USO1: variants seen among roughly 807,000 people sequenced by gnomAD.
The protein encoded by USO1 is general vesicular transport factor p115.
USO1 carries 57 observed loss-of-function variants against 124.5 expected under a neutral mutation model. The observed-to-expected ratio is 0.46, with a 90% confidence interval of 0.37 to 0.57. The LOEUF (loss-of-function observed/expected upper bound fraction) is 0.57. Ranked by LOEUF, USO1 falls within the 20% of genes least tolerant of loss-of-function variation. The pLI is 0.00. For synonymous variants in USO1, 369 were observed against 362.8 expected, an observed-to-expected ratio of 1.02 and a Z score of -0.19; for missense variants, 900 against 1,040.6, an observed-to-expected ratio of 0.86 and a Z score of 1.86.
intron 1 of USO1, among the ~76,000 whole-genome samples, chr4:75,727,444 C>A (rs1018731111): frequency 2.0e-5 from 3 of 152,078 alleles, no homozygotes; most frequent in Non-Finnish European, 4.4e-5. Context: ...TTTTTAATCA[C>A]CTCCACAATA....
chr4:75,759,468 C>A (rs1385832363), intron 4 of USO1, among the ~76,000 whole-genome samples: 1 of 151,512 alleles, frequency 6.6e-6, no homozygotes, highest in Non-Finnish European at 1.5e-5. Context: ...GTCGCACACA[C>A]CTGTAATCCC....
At chr4:75,769,677 T>A (rs543851244) in intron 4 of USO1, among the ~76,000 whole-genome samples, 1 of 152,050 alleles carries the variant, frequency 6.6e-6, no homozygotes, top group Non-Finnish European at 1.5e-5. Flanking sequence ...CTAATTTGAG[T>A]TTATAATATA....
chr4:75,799,765 GTATT>G (rs1304268284), intron 14 of USO1, 33 bp downstream of exon 14: 1 of 1,605,834 alleles, frequency 6.2e-7, no homozygotes. Context: ...GTACATGTAA[GTATT>G]TATATCTTTT....
intron 8 of USO1, among the ~76,000 whole-genome samples, chr4:75,779,073 C>G (rs1014793200): frequency 1.3e-5 from 2 of 152,078 alleles, no homozygotes; most frequent in Non-Finnish European, 2.9e-5. Flanking sequence ...TTTGATGTTA[C>G]TATTGTAATT....
rs1438563459 is a variant in USO1, at chr4:75,806,579, TTCCACTTTGA to T, written c.2376+12_2376+21del. ...AGTTGCAGAATTAAAACAGGTAATT[TTCCACTTTGA>T]TCCAATTCTACTTTGTCATGTTTTA... On this transcript the variant is annotated splice_region_variant and intron_variant, in intron 20 of 23. Coordinates refer to ENST00000514213, the MANE Select transcript of USO1 (RefSeq NM_003715.4). The T allele has an allele frequency of 6.4e-7, 1 of 1,551,598 alleles. No individual in the cohort carries two copies. The highest frequency in any genetic ancestry group is 8.7e-7 in the Non-Finnish European group (1 of 1,147,192).
intron 1 of USO1, among the ~76,000 whole-genome samples, chr4:75,727,859 A>G (rs550072357): frequency 6.6e-6 from 1 of 152,184 alleles, no homozygotes; most frequent in East Asian, 1.9e-4. Context: ...CCTAATCTGT[A>G]CTTTCCCCCA....
chr4:75,790,307 T>C, intron 11 of USO1, 69 bp downstream of exon 11: 1 of 1,509,840 alleles, frequency 6.6e-7, no homozygotes, highest in Non-Finnish European at 8.9e-7. Flanking sequence ...GTATCTCATA[T>C]ACACATCTTA....
intron 12 of USO1, 95 bp downstream of exon 12, chr4:75,790,892 A>AATTGATT: frequency 7.4e-7 from 1 of 1,352,904 alleles, no homozygotes; most frequent in Non-Finnish European, 9.6e-7. Flanking sequence ...AGCCTAAAAT[A>AATTGATT]CTTTGCATGC....
chr4:75,792,177 A>C (rs1722550762), intron 12 of USO1, among the ~76,000 whole-genome samples: 1 of 152,124 alleles, frequency 6.6e-6, no homozygotes, highest in South Asian at 2.1e-4. Flanking sequence ...AGGCAGGTAT[A>C]TTGCTTGAGT....
At chr4:75,731,561 C>A (rs1356781746) in intron 1 of USO1, among the ~76,000 whole-genome samples, 6 of 138,148 alleles carry the variant, frequency 4.3e-5, no homozygotes, top group African/African-American at 5.4e-5. Context: ...GACTCCGTCT[C>A]AAAAAAAAAA....
At chr4:75,740,992 T>C (rs1720943554) in intron 1 of USO1, among the ~76,000 whole-genome samples, 1 of 152,230 alleles carries the variant, frequency 6.6e-6, no homozygotes, top group Non-Finnish European at 1.5e-5. Context: ...GTGATAGTTC[T>C]TGGTAGCTCA....
intron 4 of USO1, among the ~76,000 whole-genome samples, chr4:75,760,069 G>A (rs892595839): frequency 4.6e-5 from 7 of 151,830 alleles, no homozygotes; most frequent in Non-Finnish European, 5.9e-5. Context: ...AAAATTAGCC[G>A]GGCGTGGTGG....
chr4:75,772,718 C>G (rs1721967665), intron 7 of USO1, among the ~76,000 whole-genome samples: 1 of 152,094 alleles, frequency 6.6e-6, no homozygotes, highest in Non-Finnish European at 1.5e-5. Context: ...GGATATCATG[C>G]AAATCATAAA....
intron 9 of USO1, among the ~76,000 whole-genome samples, chr4:75,786,603 T>C (rs1263065325): frequency 6.6e-6 from 1 of 152,190 alleles, no homozygotes; most frequent in Non-Finnish European, 1.5e-5. Flanking sequence ...TCTTTTACCA[T>C]CTCTCCAGTT....
intron 4 of USO1, among the ~76,000 whole-genome samples, chr4:75,766,432 G>A (rs1002506876): frequency 4.6e-5 from 7 of 152,144 alleles, no homozygotes; most frequent in African/African-American, 1.2e-4. Context: ...AGTACATTCC[G>A]CAACGTCTGG....
intron 1 of USO1, among the ~76,000 whole-genome samples, chr4:75,742,489 T>C (rs1435033431): frequency 6.6e-6 from 1 of 152,174 alleles, no homozygotes; most frequent in African/African-American, 2.4e-5. Flanking sequence ...CTGAGGCATT[T>C]GTTTCTTGTT....
intron 13 of USO1, among the ~76,000 whole-genome samples, chr4:75,799,129 A>C (rs935810186): frequency 2.0e-5 from 3 of 151,854 alleles, no homozygotes; most frequent in Admixed American, 6.6e-5. Context: ...TCTCTCATGG[A>C]ATTTGACTAA....
Position 75,755,365 on chromosome 4 carries a change from C to T in USO1, c.219-2132C>T, listed in dbSNP as rs1018910196. 8.5e-6 allele frequency: 4 copies of T among 469,882 alleles called. No homozygotes were observed. In the Admixed American group the frequency reaches 9.3e-5, roughly 11 times the overall value. 29.1% of individuals were successfully genotyped at this position (469,882 alleles called of 1,614,324 possible). A position where few individuals can be genotyped will look rare whatever the true frequency, so the allele number is the denominator to read the frequency against. On this transcript the variant is annotated intron_variant, in intron 3 of 23. Transcript: ENST00000514213. ...TTTTCCTCCAGTCTCTTTGTATTTC[C>T]ATTCAGTCTATATGTTGCAAGAATT... is the stretch of plus-strand genomic sequence containing the variant.
At chr4:75,786,518 C>T (rs1722365577) in intron 9 of USO1, among the ~76,000 whole-genome samples, 1 of 151,958 alleles carries the variant, frequency 6.6e-6, no homozygotes, top group Non-Finnish European at 1.5e-5. Flanking sequence ...GTTTACAGTC[C>T]AAGTAATCAT....
Sources: gnomAD v4.1 joint callset for allele counts (sites outside exome capture counted in the v4.1 genomes callset) on GRCh38, gnomAD v4.1.1 for gene constraint, MANE v1.5 for transcripts, NCBI Gene and HGNC (gene_info 2026-07-23, HGNC 2026-07-21) for gene names.